FRMD4B: variants seen among roughly 807,000 people sequenced by gnomAD.
The protein encoded by FRMD4B is FERM domain-containing protein 4B.
A neutral mutation model predicts 141.5 loss-of-function variants in FRMD4B; 74 were observed. The observed-to-expected ratio is 0.52, with a 90% CI of 0.43 to 0.63. The LOEUF is 0.63. Among genes scored for constraint, FRMD4B ranks in the 30% least tolerant of loss-of-function variants. FRMD4B has a pLI of 0.00. For missense variants in FRMD4B, 1,366 were observed against 1,253.4 expected (o/e 1.09, Z -1.36); for synonymous variants, 506 against 467.9 (o/e 1.08, Z -1.05).
chr3:69,242,498 T>A (rs2093392643), intron 7 of FRMD4B, among the ~76,000 whole-genome samples: 4 of 111,284 alleles, frequency 3.6e-5, no homozygotes, highest in African/African-American at 1.6e-4. Context: ...TTTTTTTTTT[T>A]TTTTTTTTTT....
intron 1 of FRMD4B, among the ~76,000 whole-genome samples, chr3:69,464,653 C>A (rs1258785030): frequency 2.0e-5 from 3 of 152,170 alleles, no homozygotes; most frequent in Non-Finnish European, 4.4e-5. Context: ...TATTTCACAG[C>A]CCTTAATGAA....
intron 5 of FRMD4B, among the ~76,000 whole-genome samples, chr3:69,285,769 G>C (rs1700666473): frequency 6.6e-6 from 1 of 151,898 alleles, no homozygotes; most frequent in Non-Finnish European, 1.5e-5. Flanking sequence ...GCTTGAACCT[G>C]GCAGGCAGAA....
intron 1 of FRMD4B, among the ~76,000 whole-genome samples, chr3:69,539,238 C>T (rs1453179667): frequency 6.6e-6 from 1 of 152,122 alleles, no homozygotes; most frequent in East Asian, 1.9e-4. Context: ...TGTAAGTTAG[C>T]CAAAACTTTC....
At chr3:69,321,892 A>C (rs1331897983) in intron 1 of FRMD4B, among the ~76,000 whole-genome samples, 2 of 152,046 alleles carry the variant, frequency 1.3e-5, no homozygotes, top group Non-Finnish European at 2.9e-5. Context: ...TTTTTTGTAC[A>C]GATGGAGATC....
chr3:69,382,281 C>G (rs1414957447), intron 1 of FRMD4B, among the ~76,000 whole-genome samples: 1 of 152,172 alleles, frequency 6.6e-6, no homozygotes. Flanking sequence ...CTCAAGTGAT[C>G]CACTCGCCTC....
intron 5 of FRMD4B, among the ~76,000 whole-genome samples, chr3:69,254,798 A>T (rs115905664): frequency 0.033 from 4,986 of 152,232 alleles, 147 homozygotes; most frequent in East Asian, 0.1. Flanking sequence ...GTGGAAAGAG[A>T]TGTGAGAATT....
At chr3:69,448,875 T>A (rs1235254275) in intron 1 of FRMD4B, among the ~76,000 whole-genome samples, 1 of 152,246 alleles carries the variant, frequency 6.6e-6, no homozygotes, top group African/African-American at 2.4e-5. Flanking sequence ...TGAATTTTTT[T>A]AGTATACATT....
At chr3:69,346,650 A>C (rs953975117) in intron 1 of FRMD4B, among the ~76,000 whole-genome samples, 1 of 152,248 alleles carries the variant, frequency 6.6e-6, no homozygotes, top group African/African-American at 2.4e-5. Flanking sequence ...AAACTCTACA[A>C]GCCAGAAGAG....
intron 11 of FRMD4B, chr3:69,200,806 A>G: frequency 1.7e-6 from 1 of 571,936 alleles, no homozygotes; most frequent in Non-Finnish European, 3.0e-6. Flanking sequence ...ACCCTAGTTT[A>G]CTCACCCTGG....
intron 1 of FRMD4B, among the ~76,000 whole-genome samples, chr3:69,314,112 C>T (rs1377303820): frequency 9.6e-6 from 1 of 104,230 alleles, no homozygotes; most frequent in African/African-American, 4.0e-5. Flanking sequence ...GCACTCCAGC[C>T]TGGGCGACAG....
Position 69,268,928 on chromosome 3 carries a change from A to ATT in FRMD4B, c.501+18822_501+18823dup, listed in dbSNP as rs766564016. Among the ~76,000 whole-genome samples the ATT allele has an allele frequency of 6.1e-4, 86 of 141,298 alleles. 2 individuals carry two copies. The highest frequency in any genetic ancestry group is 1.9e-3 in the African/African-American group (71 of 38,118). 92.7% of individuals were successfully genotyped at this position (141,298 alleles called of 152,430 possible). On this transcript the variant is annotated intron_variant, in intron 5 of 22. Transcript: ENST00000398540. ...GATCAAGTACTTCTTATAGATGAGA[A>ATT]TTTTTTTTTTTTTTTTTGAGATGAA... is the stretch of plus-strand genomic sequence containing the variant.
At chr3:69,278,090 G>C (rs1472175155) in intron 5 of FRMD4B, among the ~76,000 whole-genome samples, 1 of 152,060 alleles carries the variant, frequency 6.6e-6, no homozygotes, top group Non-Finnish European at 1.5e-5. Flanking sequence ...TCCTGTCCTT[G>C]TGATCCGCCT....
chr3:69,320,228 A>G (rs569573503), intron 1 of FRMD4B, among the ~76,000 whole-genome samples: 17 of 152,120 alleles, frequency 1.1e-4, no homozygotes, highest in Admixed American at 9.8e-4. Flanking sequence ...CAATTAAAAA[A>G]TTTTTTTTAA....
chr3:69,341,263 A>C (rs563728808), intron 1 of FRMD4B, among the ~76,000 whole-genome samples: 2 of 151,918 alleles, frequency 1.3e-5, no homozygotes, highest in Non-Finnish European at 2.9e-5. Context: ...TTTCAACTCA[A>C]ATGCAGTGGT....
intron 1 of FRMD4B, among the ~76,000 whole-genome samples, chr3:69,500,543 T>TG (rs1706476627): frequency 1.3e-5 from 2 of 152,106 alleles, no homozygotes; most frequent in South Asian, 4.2e-4. Context: ...AGGTGTAGGA[T>TG]GGGCCAAGGG....
At chr3:69,177,249 G>C (rs113128584) in intron 21 of FRMD4B, among the ~76,000 whole-genome samples, 4,099 of 152,252 alleles carry the variant, frequency 0.027, 124 homozygotes, top group African/African-American at 0.079. Context: ...TGAGACAGGA[G>C]AAATACTTGA....
In FRMD4B at chr3:69,448,219, G is replaced by A. The variant is rs555586360; in HGVS notation, c.-128-15458C>T. Among the ~76,000 whole-genome samples, 206 of 152,054 alleles carry A rather than the reference G, an allele frequency of 1.4e-3. 3 individuals are homozygous for A. Among genetic ancestry groups the A allele is most frequent in the East Asian group, 6.6e-3 (34 of 5,162 alleles). On this transcript the variant is annotated intron_variant, in intron 1 of 5. Coordinates refer to the FRMD4B transcript ENST00000459638. Reference sequence around the variant, plus strand: ...TAATTTTTGTATTTTTAGTAGAGACGATGTTTCACCATGTTAGCCAGGCTG... The same window carrying A: ...TAATTTTTGTATTTTTAGTAGAGACAATGTTTCACCATGTTAGCCAGGCTG...
At chr3:69,409,509 C>T (rs1338810885) in intron 2 of FRMD4B, among the ~76,000 whole-genome samples, 2 of 152,164 alleles carry the variant, frequency 1.3e-5, no homozygotes, top group African/African-American at 2.4e-5. Flanking sequence ...AGGGGTTGGC[C>T]AGATGGCATA....
intron 5 of FRMD4B, among the ~76,000 whole-genome samples, chr3:69,265,269 AATATATATATAT>A (rs1175250592): frequency 0.014 from 329 of 23,402 alleles, 13 homozygotes; most frequent in Middle Eastern, 0.031. Flanking sequence ...AAAAAAAAAA[AATATATATATAT>A]ATATATATAT....
Sources: allele counts gnomAD v4.1 joint callset (sites outside exome capture counted in the v4.1 genomes callset), GRCh38; gene constraint gnomAD v4.1.1; transcripts MANE v1.5; gene names NCBI Gene and HGNC (gene_info 2026-07-23, HGNC 2026-07-21).